Variants in ARL13B observed in about 807,000 individuals in gnomAD.
ARL13B encodes ARF like GTPase 13B.
Under a neutral mutation model 56.1 loss-of-function variants are expected in ARL13B, and 36 were observed. The observed-to-expected ratio is 0.64, with a 90% CI of 0.49 to 0.85. ARL13B has a LOEUF of 0.85. Ranked by LOEUF, ARL13B falls within the 40% of genes least tolerant of loss-of-function variation. ARL13B has a pLI of 0.00. For missense variants in ARL13B, 519 were observed against 507.1 expected (o/e 1.02, Z -0.23); for synonymous variants, 178 against 171.1 (o/e 1.04, Z -0.32).
At chr3:93,981,328 C>G (rs1407917109) in intron 1 of ARL13B, among the ~76,000 whole-genome samples, 1 of 150,934 alleles carries the variant, frequency 6.6e-6, no homozygotes, top group Non-Finnish European at 1.5e-5. Context: ...TCACATAGTT[C>G]TAGTCTGGAA....
In ARL13B at chr3:94,053,225, C is replaced by T; in HGVS notation, c.1249C>T (p.Gln417Ter). The stretch of plus-strand genomic sequence containing the variant: ...GCCACTGCCTCCCCTGGCTGTGCCA[C>T]AGCGACCTAACAGTGATGCTCATGA... Reference protein sequence around the residue: ...RKPLPPLAVPQRPNSDAHDVI... With the variant: ...RKPLPPLAVP The change falls in exon 10 of 10, where the codon CAG becomes TAG. Residue 417 changes from glutamine to a stop codon, truncating the protein, a stop_gained. Coordinates refer to ENST00000394222, the MANE Select transcript of ARL13B (RefSeq NM_001174150.2). LOFTEE classifies it high-confidence loss of function. 6.2e-7 allele frequency: 1 copy of T among 1,613,296 alleles called. No homozygotes were observed.
chr3:94,055,275 A>G lies in ARL13B; in HGVS notation c.*2012A>G, dbSNP rs888107900. 2.9e-5 allele frequency: 12 copies of G among 415,564 alleles called. No individual in the cohort carries two copies. The Admixed American group carries it at 3.6e-4, about 12-fold the overall frequency. The allele number at this position is 415,564 out of a possible 1,614,324, so 25.7% of individuals were successfully genotyped here. ...TTTTCACACAATAAAAATAATTTAT[A>G]TCAATATTCTGTTTCTCTTTTCAAT... is the stretch of plus-strand genomic sequence containing the variant. On this transcript the variant is annotated 3_prime_UTR_variant, in exon 10 of 10. Transcript: ENST00000394222.
intron 3 of ARL13B, among the ~76,000 whole-genome samples, chr3:94,016,947 A>T (rs1391238071): frequency 6.6e-6 from 1 of 152,106 alleles, no homozygotes; most frequent in African/African-American, 2.4e-5. Context: ...TCCCAGCCTA[A>T]TTAAGCTTTC....
intron 3 of ARL13B, 32 bp from the exon 4 acceptor site, chr3:94,035,299 T>C: frequency 7.4e-7 from 1 of 1,344,126 alleles, no homozygotes; most frequent in South Asian, 1.2e-5. Flanking sequence ...ATTATATATA[T>C]GCTGTATAAA....
Position 94,049,474 on chromosome 3 carries a change from G to C in ARL13B, c.1093G>C (p.Asp365His), listed in dbSNP as rs2077034573. 1 of 1,611,464 alleles carries C rather than the reference G, an allele frequency of 6.2e-7. No homozygotes were observed. Among genetic ancestry groups the C allele is most frequent in the Non-Finnish European group, 8.5e-7 (1 of 1,179,024 alleles). ...RNHRVEPLNI[D>H]DCAPESPTPP... is the part of the protein sequence containing the mutation. ...CCACCGGGTAGAACCACTTAATATAGATGACTGTGCTCCTGAGAGTCCAAC... is the reference window on the plus strand; with the variant it reads ...CCACCGGGTAGAACCACTTAATATACATGACTGTGCTCCTGAGAGTCCAAC... Residue 365 changes from aspartate to histidine, a missense_variant, in exon 8 of 10, where the codon GAT becomes CAT. Transcript: ENST00000394222.
Position 94,053,750 on chromosome 3 carries a change from TATTGA to T in ARL13B, c.*488_*492del, listed in dbSNP as rs1477307941. On this transcript the variant is annotated 3_prime_UTR_variant, in exon 10 of 10. Coordinates refer to ENST00000394222, the MANE Select transcript of ARL13B (RefSeq NM_001174150.2). ...TCTTTAAAAATTTTAATTACTGTGA[TATTGA>T]TTATACACCTTTTTTATAGATGATT... 9.7e-6 allele frequency: 3 copies of T among 309,586 alleles called. No individual in the cohort carries two copies. The highest frequency in any genetic ancestry group is 1.9e-5 in the Non-Finnish European group (3 of 160,870). The allele number at this position is 309,586 out of a possible 1,614,324, so 19.2% of individuals were successfully genotyped here. A position where few individuals can be genotyped will look rare whatever the true frequency, so the allele number is the denominator to read the frequency against.
intron 3 of ARL13B, among the ~76,000 whole-genome samples, chr3:94,027,388 T>C (rs1292276684): frequency 6.6e-6 from 1 of 152,086 alleles, no homozygotes. Context: ...TTCTACATTT[T>C]ATTTAGTCTA....
At chr3:94,016,807 C>T (rs752313019) in intron 3 of ARL13B, among the ~76,000 whole-genome samples, 3 of 151,898 alleles carry the variant, frequency 2.0e-5, no homozygotes, top group African/African-American at 4.8e-5. Context: ...CCACCATGCC[C>T]GGCTAATTTT....
intron 2 of ARL13B, among the ~76,000 whole-genome samples, chr3:94,001,851 C>T (rs2076061176): frequency 6.6e-6 from 1 of 152,212 alleles, no homozygotes; most frequent in African/African-American, 2.4e-5. Context: ...TCCACACAAA[C>T]TACTTCTGGT....
intron 2 of ARL13B, among the ~76,000 whole-genome samples, chr3:94,003,419 A>G (rs541650051): frequency 1.3e-5 from 2 of 152,296 alleles, no homozygotes; most frequent in Admixed American, 1.3e-4. Context: ...ATACTTACTA[A>G]GTACCTATTA....
Position 94,003,674 on chromosome 3 carries a change from T to C in ARL13B, c.146T>C (p.Val49Ala). The C allele has an allele frequency of 6.2e-7, 1 of 1,613,346 alleles. No individual in the cohort carries two copies. Among genetic ancestry groups the C allele is most frequent in the Non-Finnish European group, 8.5e-7 (1 of 1,179,488 alleles). ...TTTGTAACAGAATACCCTGAAGATG[T>C]AGCTCCTACTGTTGGATTTTCAAAA... ...KGIQGEYPEDVAPTVGFSKIN... is the reference protein window; with the variant it reads ...KGIQGEYPEDAAPTVGFSKIN... The change falls in exon 3 of 10, where the codon GTA becomes GCA. Residue 49 changes from valine (V) to alanine (A), a missense_variant. Transcript: ENST00000394222.
Position 94,025,311 on chromosome 3 carries a change from T to G in ARL13B, c.381-10020T>G, listed in dbSNP as rs1035600615. The stretch of plus-strand genomic sequence containing the variant: ...CATTATTGATATTAAAGGCAAAACA[T>G]GGAAATAGAATCAGGTTTCCTTTCA... On this transcript the variant is annotated intron_variant, in intron 3 of 9. Transcript: ENST00000394222. Among the ~76,000 whole-genome samples, 6 of 151,758 alleles carry G rather than the reference T, an allele frequency of 4.0e-5. No individual in the cohort carries two copies. The East Asian group carries it at 7.7e-4, about 20-fold the overall frequency.
At chr3:94,001,816 T>C (rs2076059977) in intron 2 of ARL13B, among the ~76,000 whole-genome samples, 1 of 152,204 alleles carries the variant, frequency 6.6e-6, no homozygotes, top group Middle Eastern at 3.2e-3. Flanking sequence ...TCTCTATTCA[T>C]ACTGAAAGAC....
In ARL13B at chr3:93,999,546, A is replaced by G. The variant is rs1460121477; in HGVS notation, c.130+3602A>G. Among the ~76,000 whole-genome samples, 7 of 152,252 alleles carry G rather than the reference A, an allele frequency of 4.6e-5. No homozygotes were observed. The South Asian group carries it at 1.4e-3, about 32-fold the overall frequency. On this transcript the variant is annotated intron_variant, in intron 2 of 9. Transcript: ENST00000394222. ...ATAATTTCGTCATGAAAAATTGGGT[A>G]TCTATTCCCTGAACATCTATTCTTT...
chr3:94,004,029 G>A (rs1474519808), intron 3 of ARL13B, 121 bp downstream of exon 3: 1 of 1,422,368 alleles, frequency 7.0e-7, no homozygotes, highest in African/African-American at 1.4e-5. Context: ...TAAAATGTAT[G>A]TAATTAACTG....
intron 1 of ARL13B, among the ~76,000 whole-genome samples, chr3:93,981,904 A>G (rs1409388071): frequency 2.0e-5 from 3 of 146,472 alleles, no homozygotes; most frequent in Admixed American, 6.8e-5. Flanking sequence ...AAAGTCAAAG[A>G]GTTGTTTTAG....
chr3:94,018,090 G>A (rs912025238), intron 3 of ARL13B, among the ~76,000 whole-genome samples: 63 of 152,232 alleles, frequency 4.1e-4, no homozygotes, highest in African/African-American at 1.5e-3. Flanking sequence ...TGATACAGGG[G>A]TGTCCCTATG....
intron 3 of ARL13B, among the ~76,000 whole-genome samples, chr3:94,027,102 A>T (rs1458408591): frequency 6.6e-6 from 1 of 152,104 alleles, no homozygotes; most frequent in East Asian, 1.9e-4. Context: ...TTTCATAGTT[A>T]CTGTAATGAT....
At chr3:94,020,448 A>G (rs192553779) in intron 3 of ARL13B, among the ~76,000 whole-genome samples, 1 of 152,300 alleles carries the variant, frequency 6.6e-6, no homozygotes, top group African/African-American at 2.4e-5. Flanking sequence ...ATACGACAGT[A>G]TAGCATACTA....
Sources: allele counts gnomAD v4.1 joint callset (sites outside exome capture counted in the v4.1 genomes callset), GRCh38; gene constraint gnomAD v4.1.1; transcripts MANE v1.5; gene names NCBI Gene and HGNC (gene_info 2026-07-23, HGNC 2026-07-21).